SLC9D1: variants seen among roughly 807,000 people sequenced by gnomAD.
The protein encoded by SLC9D1 is solute carrier family 9 member D1, also known as putative LAG1-interacting protein.
At chr13:113,545,119 A>G in the SLC9D1 span, among the ~76,000 whole-genome samples, 1 of 152,218 alleles carries the variant, frequency 6.6e-6, no homozygotes, top group Non-Finnish European at 1.5e-5. Context: ...TGGTGGATGC[A>G]GGTGTGCGCC....
chr13:113,548,870 C>G, the SLC9D1 span, among the ~76,000 whole-genome samples: 3 of 152,164 alleles, frequency 2.0e-5, no homozygotes, highest in Admixed American at 6.5e-5. Flanking sequence ...GCCTTGTCTC[C>G]TTGCATTGTG....
At chr13:113,502,699 G>A in the SLC9D1 span, among the ~76,000 whole-genome samples, 3 of 152,188 alleles carry the variant, frequency 2.0e-5, no homozygotes, top group African/African-American at 4.8e-5. Context: ...CGTGGAGAAC[G>A]GGTGCCAGAG....
the SLC9D1 span, among the ~76,000 whole-genome samples, chr13:113,514,699 C>T: frequency 2.6e-5 from 4 of 151,488 alleles, no homozygotes; most frequent in East Asian, 1.9e-4. Flanking sequence ...GGACTGAGAT[C>T]GACGCCATCC....
chr13:113,526,021 A>C, the SLC9D1 span, among the ~76,000 whole-genome samples: 3 of 150,516 alleles, frequency 2.0e-5, no homozygotes, highest in South Asian at 2.1e-4. Flanking sequence ...TCGTCGTCGT[A>C]GGAGACGACA....
chr13:113,520,357 G>A, the SLC9D1 span, among the ~76,000 whole-genome samples: 7 of 151,692 alleles, frequency 4.6e-5, no homozygotes, highest in Non-Finnish European at 8.8e-5. Flanking sequence ...GATGGCAGGC[G>A]CCTATAATCC....
chr13:113,502,205 TTTG>T, the SLC9D1 span, among the ~76,000 whole-genome samples: 30 of 152,164 alleles, frequency 2.0e-4, no homozygotes, highest in South Asian at 1.0e-3. Flanking sequence ...ATTAACCGTT[TTTG>T]TTGTTGTTGT....
the SLC9D1 span, among the ~76,000 whole-genome samples, chr13:113,511,561 G>A: frequency 1.3e-5 from 2 of 152,230 alleles, no homozygotes; most frequent in Non-Finnish European, 2.9e-5. Context: ...AGTAGGACAC[G>A]GATGCAGCCT....
chr13:113,523,413 T>C, the SLC9D1 span, among the ~76,000 whole-genome samples: 39 of 152,342 alleles, frequency 2.6e-4, no homozygotes, highest in East Asian at 6.9e-3. Context: ...TGTTCCACTC[T>C]GTCTCAGTTG....
the SLC9D1 span, among the ~76,000 whole-genome samples, chr13:113,544,205 G>A: frequency 4.2e-4 from 64 of 152,234 alleles, no homozygotes; most frequent in African/African-American, 1.4e-3. Context: ...GGCAGGCGTC[G>A]CTCTCAGGTT....
the SLC9D1 span, among the ~76,000 whole-genome samples, chr13:113,525,721 C>T: frequency 1.9e-4 from 29 of 151,752 alleles, no homozygotes; most frequent in African/African-American, 4.9e-4. Context: ...TCGTAGGAGA[C>T]GACAGCTCTG....
the SLC9D1 span, among the ~76,000 whole-genome samples, chr13:113,544,599 C>G: frequency 1.3e-5 from 2 of 152,226 alleles, no homozygotes; most frequent in South Asian, 2.1e-4. Context: ...TCCTCCAGAC[C>G]GGGCACTCAA....
the SLC9D1 span, chr13:113,498,510 G>T: frequency 5.0e-6 from 8 of 1,585,878 alleles, no homozygotes; most frequent in Non-Finnish European, 6.8e-6. Context: ...TGCTTTTGAC[G>T]ACAATAAATC....
chr13:113,518,680 C>T, the SLC9D1 span, among the ~76,000 whole-genome samples: 1 of 152,170 alleles, frequency 6.6e-6, no homozygotes, highest in East Asian at 1.9e-4. Flanking sequence ...GCGGTGACCA[C>T]AAGCCCATGC....
At chr13:113,549,701 T>G in the SLC9D1 span, 1 of 868,440 alleles carries the variant, frequency 1.2e-6, no homozygotes, top group Non-Finnish European at 2.0e-6. Flanking sequence ...AGAATATTCT[T>G]GTCCTATTTT....
chr13:113,532,119 A>G, the SLC9D1 span, among the ~76,000 whole-genome samples: 1 of 152,206 alleles, frequency 6.6e-6, no homozygotes, highest in Non-Finnish European at 1.5e-5. Flanking sequence ...ACAGTGCTCT[A>G]GGGGCTCAGG....
chr13:113,503,640 G>A, the SLC9D1 span: 1 of 1,237,894 alleles, frequency 8.1e-7, no homozygotes, highest in Non-Finnish European at 1.2e-6. Flanking sequence ...ACATCATGTG[G>A]TTTTGGTTCA....
At chr13:113,498,533 A>G in the SLC9D1 span, 2 of 1,563,378 alleles carry the variant, frequency 1.3e-6, no homozygotes, top group Non-Finnish European at 1.7e-6. Flanking sequence ...TAAGCGTTCC[A>G]GAACAGCTGC....
At chr13:113,530,252 T>G in the SLC9D1 span, 1 of 152,142 alleles carries the variant, frequency 6.6e-6, no homozygotes, top group Non-Finnish European at 1.5e-5. Context: ...CAGGGTTTCT[T>G]TTTGGGATGA....
At chr13:113,505,623 A>G in the SLC9D1 span, 2 of 152,394 alleles carry the variant, frequency 1.3e-5, no homozygotes, top group African/African-American at 4.8e-5. Context: ...ACATGGGGGA[A>G]AAATGGGAAA....
Sources: allele counts gnomAD v4.1 joint callset (sites outside exome capture counted in the v4.1 genomes callset), GRCh38; gene constraint gnomAD v4.1.1; transcripts MANE v1.5; gene names NCBI Gene and HGNC (gene_info 2026-07-23, HGNC 2026-07-21).